The following DCHS2 variants were observed in gnomAD, a reference collection of about 807,000 sequenced individuals.
DCHS2 encodes the protein protocadherin-23.
Under a neutral mutation model 182.4 loss-of-function variants are expected in DCHS2, and 142 were observed. The observed-to-expected ratio is 0.78, with a 90% CI of 0.68 to 0.89. The LOEUF (loss-of-function observed/expected upper bound fraction) is 0.89, where lower values mean the gene tolerates loss of function less well. Among genes scored for constraint, DCHS2 ranks in the 40% least tolerant of loss-of-function variants. The pLI, the probability that DCHS2 is intolerant of heterozygous loss-of-function variation, is 0.00. For synonymous variants in DCHS2, 1,740 were observed against 1,663.3 expected, an observed-to-expected ratio of 1.05 and a Z score of -1.12; for missense variants, 4,319 against 4,198.6, an observed-to-expected ratio of 1.03 and a Z score of -0.79.
chr4:154,335,274 G>T (rs770876134), intron 3 of DCHS2, 170 bp from the exon 4 acceptor site: 4 of 603,134 alleles, frequency 6.6e-6, no homozygotes, highest in Non-Finnish European at 1.2e-5. Flanking sequence ...TGTCTGTGAG[G>T]GTGCTTTTGG....
At chr4:154,267,958 T>G (rs565435054) in intron 14 of DCHS2, among the ~76,000 whole-genome samples, 1 of 152,226 alleles carries the variant, frequency 6.6e-6, no homozygotes, top group African/African-American at 2.4e-5. Flanking sequence ...ATGCTTTCTG[T>G]TGCAACATGT....
intron 13 of DCHS2, among the ~76,000 whole-genome samples, chr4:154,279,802 A>G (rs1471786838): frequency 6.6e-6 from 1 of 152,050 alleles, no homozygotes; most frequent in Non-Finnish European, 1.5e-5. Flanking sequence ...TAACAATCTA[A>G]CATTACAACA....
intron 1 of DCHS2, among the ~76,000 whole-genome samples, chr4:154,441,914 T>C (rs1264195998): frequency 1.3e-5 from 2 of 152,150 alleles, no homozygotes; most frequent in Admixed American, 1.3e-4. Context: ...AATATTCTGG[T>C]GAGTGATATC....
At chr4:154,241,450 C>A (rs1445760754) in intron 17 of DCHS2, among the ~76,000 whole-genome samples, 1 of 152,048 alleles carries the variant, frequency 6.6e-6, no homozygotes, top group African/African-American at 2.4e-5. Context: ...CAAAAAATTA[C>A]AAAATAGATG....
chr4:154,450,205 C>T (rs1397067391), intron 1 of DCHS2, among the ~76,000 whole-genome samples: 1 of 152,164 alleles, frequency 6.6e-6, no homozygotes, highest in Non-Finnish European at 1.5e-5. Context: ...AAGGAAAACA[C>T]TTCTTGGCTA....
chr4:154,237,928 A>G (rs1367211084), intron 19 of DCHS2, among the ~76,000 whole-genome samples: 1 of 152,190 alleles, frequency 6.6e-6, no homozygotes, highest in African/African-American at 2.4e-5. Flanking sequence ...TAAACATTGC[A>G]TTTAATGTTT....
At chr4:154,318,100 G>A (rs1578957089) in intron 9 of DCHS2, among the ~76,000 whole-genome samples, 1 of 152,028 alleles carries the variant, frequency 6.6e-6, no homozygotes, top group Non-Finnish European at 1.5e-5. Flanking sequence ...GTTTTCTGTT[G>A]TGTATTCAGC....
intron 1 of DCHS2, among the ~76,000 whole-genome samples, chr4:154,477,908 C>T (rs1011573172): frequency 6.6e-6 from 1 of 152,102 alleles, no homozygotes; most frequent in Non-Finnish European, 1.5e-5. Flanking sequence ...TAGTCAATCC[C>T]AAATAGGGTG....
At chr4:154,242,804 T>C in intron 16 of DCHS2, 32 bp from the exon 17 acceptor site, 1 of 1,580,764 alleles carries the variant, frequency 6.3e-7, no homozygotes, top group Non-Finnish European at 8.6e-7. Context: ...AGAATGTGAT[T>C]CATCATCCAG....
chr4:154,255,748 TAAGA>T, intron 15 of DCHS2, 78 bp from the exon 16 acceptor site: 6 of 1,454,904 alleles, frequency 4.1e-6, no homozygotes, highest in Non-Finnish European at 5.5e-6. Context: ...AGACATGCAT[TAAGA>T]AAGAATCACA....
rs201238078 is a variant in DCHS2, at chr4:154,320,467, G to A, written c.4932C>T (p.His1644=). 20 of 1,613,932 alleles carry A rather than the reference G, an allele frequency of 1.2e-5. No individual in the cohort carries two copies. Among genetic ancestry groups the A allele is most frequent in the East Asian group, 2.2e-5 (1 of 44,890 alleles). ...VGSLVHHITA[H]DPDEGRNGKV... is the part of the protein sequence containing the mutation. ...TTCCATTCCTTCCTTCGTCTGGATC[G>A]TGAGCAGTTATGTGGTGGACCAAGG... is the stretch of plus-strand genomic sequence containing the variant. Residue 1644 remains histidine, a synonymous_variant, in exon 9 of 20, where the codon CAC becomes CAT. Coordinates refer to ENST00000357232, the MANE Select transcript of DCHS2 (RefSeq NM_001358235.2).
rs1369531000 is a variant in DCHS2, at chr4:154,240,648, A to G, written c.7248T>C (p.Tyr2416=). 3 of 1,613,864 alleles carry G rather than the reference A, an allele frequency of 1.9e-6. No individual in the cohort carries two copies. The African/African-American group carries it at 4.0e-5, about 22-fold the overall frequency. The change falls in exon 18 of 20, where the codon TAT becomes TAC. Residue 2416 remains tyrosine (Y), a synonymous_variant. Transcript: ENST00000357232. ...KTLDFEEMTE[Y]ELLIQISDSV... is the part of the protein sequence containing the mutation. The stretch of plus-strand genomic sequence containing the variant: ...AATCAGAAATTTGGATGAGCAGCTC[A>G]TATTCAGTCATTTCTTCAAAATCCA...
chr4:154,247,686 A>C (rs1411528641), intron 16 of DCHS2, among the ~76,000 whole-genome samples: 4 of 150,484 alleles, frequency 2.7e-5, no homozygotes, highest in Middle Eastern at 7.1e-3. Flanking sequence ...TTAGAATGGC[A>C]CTAGACTTGT....
At chr4:154,384,299 T>A (rs1291810869) in intron 1 of DCHS2, 13 of 1,567,258 alleles carry the variant, frequency 8.3e-6, no homozygotes, top group Non-Finnish European at 1.1e-5. Flanking sequence ...ATTGCCTCCT[T>A]ATTGAAACAT....
chr4:154,481,422 T>C (rs1239457272), intron 1 of DCHS2, among the ~76,000 whole-genome samples: 2 of 151,846 alleles, frequency 1.3e-5, no homozygotes, highest in Non-Finnish European at 2.9e-5. Context: ...TCACCACACC[T>C]GGCTAATTTT....
chr4:154,445,332 C>A (rs1254555544), intron 1 of DCHS2, among the ~76,000 whole-genome samples: 12 of 152,184 alleles, frequency 7.9e-5, no homozygotes, highest in Non-Finnish European at 1.6e-4. Flanking sequence ...CCTTATTGAA[C>A]AGGAAATCAA....
At chr4:154,281,116 T>C (rs1310722511) in intron 13 of DCHS2, among the ~76,000 whole-genome samples, 1 of 152,018 alleles carries the variant, frequency 6.6e-6, no homozygotes, top group Non-Finnish European at 1.5e-5. Flanking sequence ...TGTGAGCCAG[T>C]ATGCCCAGCC....
chr4:154,349,372 A>T (rs1193113482), intron 3 of DCHS2, among the ~76,000 whole-genome samples: 1 of 152,144 alleles, frequency 6.6e-6, no homozygotes, highest in Non-Finnish European at 1.5e-5. Flanking sequence ...AGACAACTTC[A>T]TTTCAGCTTG....
chr4:154,329,737 A>G, intron 5 of DCHS2, 27 bp from the exon 6 acceptor site: 2 of 1,587,714 alleles, frequency 1.3e-6, no homozygotes, highest in Non-Finnish European at 8.6e-7. Context: ...AGAACAAGAC[A>G]CAGGCACTGT....
Sources: gnomAD v4.1 joint callset for allele counts (sites outside exome capture counted in the v4.1 genomes callset) on GRCh38, gnomAD v4.1.1 for gene constraint, MANE v1.5 for transcripts, NCBI Gene and HGNC (gene_info 2026-07-23, HGNC 2026-07-21) for gene names.